The following ADGRD1 variants were observed in gnomAD, a reference collection of about 807,000 sequenced individuals.
ADGRD1 encodes adhesion G protein-coupled receptor D1, also known as G-protein coupled receptor 133.
A neutral mutation model predicts 113.4 loss-of-function variants in ADGRD1; 77 were observed. That is an observed-to-expected ratio of 0.68 (90% CI 0.57 to 0.82). The LOEUF (loss-of-function observed/expected upper bound fraction) is 0.82, where lower values mean the gene tolerates loss of function less well. Among genes scored for constraint, ADGRD1 ranks in the 40% least tolerant of loss-of-function variants. The pLI, the probability that ADGRD1 is intolerant of heterozygous loss-of-function variation, is 0.00. For missense variants in ADGRD1, 1,036 were observed against 1,139.1 expected (o/e 0.91, Z 1.30); for synonymous variants, 474 against 475.0 (o/e 1.00, Z 0.03).
chr12:130,976,187 G>A (rs1265100918), intron 4 of ADGRD1, among the ~76,000 whole-genome samples: 1 of 149,986 alleles, frequency 6.7e-6, no homozygotes, highest in Non-Finnish European at 1.5e-5. Context: ...AATTTCCAGA[G>A]GGGCCTGGGG....
At chr12:131,088,022 C>T (rs1304965077) in intron 15 of ADGRD1, among the ~76,000 whole-genome samples, 1 of 152,234 alleles carries the variant, frequency 6.6e-6, no homozygotes, top group East Asian at 1.9e-4. Flanking sequence ...CCTCTCCCCT[C>T]CCGCCAGGGC....
In ADGRD1 at chr12:130,992,272, C is replaced by T. The variant is rs1179985876; in HGVS notation, c.846C>T (p.Asn282=). The part of the protein sequence containing the change: ...PTDAYHPIIT[N]LTEERKTFQS... ...ATGCCTACCATCCCATCATAACCAACCTGACAGAAGAGAGAAAAACCTTCC... is the reference window on the plus strand; with the variant it reads ...ATGCCTACCATCCCATCATAACCAATCTGACAGAAGAGAGAAAAACCTTCC... Residue 282 remains asparagine, a synonymous_variant, in exon 8 of 25, where the codon AAC becomes AAT. Coordinates refer to ENST00000261654, the MANE Select transcript of ADGRD1 (RefSeq NM_198827.5). 3.1e-6 allele frequency: 5 copies of T among 1,613,510 alleles called. No homozygotes were observed. Among genetic ancestry groups the T allele is most frequent in the Non-Finnish European group, 4.2e-6 (5 of 1,179,686 alleles).
At chr12:130,962,484 A>T (rs1172164334) in intron 2 of ADGRD1, 2 of 152,214 alleles carry the variant, frequency 1.3e-5, no homozygotes, top group African/African-American at 4.8e-5. Flanking sequence ...TTCCTTTTAC[A>T]ATTTTTTTTC....
At chr12:131,039,454 G>C (rs1881889693) in intron 13 of ADGRD1, among the ~76,000 whole-genome samples, 1 of 152,264 alleles carries the variant, frequency 6.6e-6, no homozygotes, top group Non-Finnish European at 1.5e-5. Context: ...TTGTGAAAAA[G>C]TCACACAGAG....
chr12:130,961,645 A>G (rs1870370545), intron 2 of ADGRD1, among the ~76,000 whole-genome samples: 1 of 152,204 alleles, frequency 6.6e-6, no homozygotes, highest in African/African-American at 2.4e-5. Flanking sequence ...AAAATGCCAC[A>G]GAGTGCCTTT....
chr12:131,029,584 C>T (rs1432421745), intron 13 of ADGRD1, among the ~76,000 whole-genome samples: 1 of 130,348 alleles, frequency 7.7e-6, no homozygotes, highest in Non-Finnish European at 1.6e-5. Context: ...GTGGACCCCT[C>T]ATGTGGTGAC....
At chr12:130,992,441 A>AC in intron 8 of ADGRD1, 49 bp downstream of exon 8, 1 of 1,487,098 alleles carries the variant, frequency 6.7e-7, no homozygotes, top group African/African-American at 1.4e-5. Context: ...TGGCACCCTT[A>AC]CCGGGACCAT....
chr12:131,112,077 C>T (rs1039920592), intron 18 of ADGRD1, among the ~76,000 whole-genome samples: 6 of 152,086 alleles, frequency 3.9e-5, no homozygotes, highest in Non-Finnish European at 7.3e-5. Flanking sequence ...TTCTGATTCC[C>T]TCCTTCCATG....
chr12:131,102,829 G>A (rs976585079), intron 15 of ADGRD1, among the ~76,000 whole-genome samples: 1 of 152,144 alleles, frequency 6.6e-6, no homozygotes, highest in African/African-American at 2.4e-5. Flanking sequence ...TTTATCCATG[G>A]GAGAAGGAGT....
chr12:131,022,478 A>G lies in ADGRD1; in HGVS notation c.1473+8138A>G, dbSNP rs1879429142. Among the ~76,000 whole-genome samples, 6 of 152,210 alleles carry G rather than the reference A, an allele frequency of 3.9e-5. No homozygotes were observed. In the South Asian group the frequency reaches 1.2e-3, roughly 32 times the overall value. Reference sequence around the variant, plus strand: ...TGCATTTATTAATTGGAATTCTGTGATAAGTACAAACCGTGATTTATTTAT... The same window carrying G: ...TGCATTTATTAATTGGAATTCTGTGGTAAGTACAAACCGTGATTTATTTAT... On this transcript the variant is annotated intron_variant, in intron 13 of 24. Coordinates refer to ENST00000261654, the MANE Select transcript of ADGRD1 (RefSeq NM_198827.5). The surrounding 1 kb of genome is among the most constrained non-coding windows in gnomAD (Gnocchi z 4.6).
In ADGRD1 at chr12:131,004,237, G is replaced by A. The variant is rs748754881; in HGVS notation, c.1196G>A (p.Arg399His). 3.7e-5 allele frequency: 59 copies of A among 1,613,774 alleles called. No individual in the cohort carries two copies. In the Admixed American group the frequency reaches 3.8e-4, roughly 10 times the overall value. ...LPKTVNSSHY[R>H]FPAHGQSFIQ... Reference sequence around the variant, plus strand: ...AAGACCGTGAATTCCTCCCATTACCGCTTCCCGGCCCACGGGCAGAGCTTC... The same window carrying A: ...AAGACCGTGAATTCCTCCCATTACCACTTCCCGGCCCACGGGCAGAGCTTC... The change falls in exon 11 of 25, where the codon CGC becomes CAC. Residue 399 changes from arginine (R) to histidine (H), a missense_variant. Physicochemically the swap from Arg to His is conservative, Grantham distance 29. Coordinates refer to ENST00000261654, the MANE Select transcript of ADGRD1 (RefSeq NM_198827.5).
intron 4 of ADGRD1, among the ~76,000 whole-genome samples, chr12:130,976,346 T>G (rs1872305684): frequency 6.6e-6 from 1 of 152,134 alleles, no homozygotes; most frequent in South Asian, 2.1e-4. Flanking sequence ...CCAGAGAGGA[T>G]GCAAGATGAG....
At chr12:131,056,141 G>A (rs1883842211) in intron 13 of ADGRD1, among the ~76,000 whole-genome samples, 1 of 152,212 alleles carries the variant, frequency 6.6e-6, no homozygotes, top group Non-Finnish European at 1.5e-5. Flanking sequence ...TGTAGATTGT[G>A]TTATGAAAAT....
rs1237026097 is a variant in ADGRD1 at position 131,014,285 on chromosome 12, T to C, written c.1418T>C (p.Leu473Pro). The change falls in exon 13 of 25, where the codon CTG becomes CCG. Residue 473 changes from leucine (L) to proline (P), a missense_variant. Coordinates refer to ENST00000261654, the MANE Select transcript of ADGRD1 (RefSeq NM_198827.5). ...ISLEVSPPPT[L>P]SQNLSGSPLI... is the part of the protein sequence containing the mutation. ...CTGGAGGTGTCCCCACCACCCACCC[T>C]GTCTCAGAACCTGTCGGGCTCTCCA... is the stretch of plus-strand genomic sequence containing the variant. 1 of 1,614,114 alleles carries C rather than the reference T, an allele frequency of 6.2e-7. No individual in the cohort carries two copies. Among genetic ancestry groups the C allele is most frequent in the Non-Finnish European group, 8.5e-7 (1 of 1,179,948 alleles).
At chr12:131,120,132 C>A (rs114795093) in intron 19 of ADGRD1, among the ~76,000 whole-genome samples, 1 of 152,296 alleles carries the variant, frequency 6.6e-6, no homozygotes, top group South Asian at 2.1e-4. Context: ...GGAGACACCA[C>A]ATTGGGTGCC....
At chr12:131,004,339 C>T (rs778577456) in intron 11 of ADGRD1, 43 bp downstream of exon 11, 4 of 1,401,426 alleles carry the variant, frequency 2.9e-6, no homozygotes, top group Non-Finnish European at 4.0e-6. Flanking sequence ...GCGGCTCCCT[C>T]AAGTCTTTCT....
intron 15 of ADGRD1, among the ~76,000 whole-genome samples, chr12:131,100,661 T>C (rs1950048312): frequency 6.6e-6 from 1 of 152,154 alleles, no homozygotes; most frequent in Non-Finnish European, 1.5e-5. Context: ...GTTGGAAGGC[T>C]TAAGGCATAA....
chr12:131,059,383 G>T (rs1406852530), intron 13 of ADGRD1, among the ~76,000 whole-genome samples: 1 of 152,182 alleles, frequency 6.6e-6, no homozygotes. Flanking sequence ...GTTTCACCAT[G>T]TTGGCCAGGC....
At chr12:131,137,810 G>GC in intron 23 of ADGRD1, 1 of 158,826 alleles carries the variant, frequency 6.3e-6, no homozygotes, top group Non-Finnish European at 1.4e-5. Flanking sequence ...AGCCATGGAA[G>GC]CCCGCCCGCC....
Sources: gnomAD v4.1 joint callset for allele counts (sites outside exome capture counted in the v4.1 genomes callset) on GRCh38, gnomAD v4.1.1 for gene constraint, Gnocchi (gnomAD v3.1) non-coding constraint, MANE v1.5 for transcripts, NCBI Gene and HGNC (gene_info 2026-07-23, HGNC 2026-07-21) for gene names.